The following TRPC3 variants were observed in gnomAD, a reference collection of about 807,000 sequenced individuals.
TRPC3 encodes the protein short transient receptor potential channel 3.
A neutral mutation model predicts 90.9 loss-of-function variants in TRPC3; 54 were observed. That is an observed-to-expected ratio of 0.59 (90% CI 0.48 to 0.75). The LOEUF is 0.75. Ranked by LOEUF, TRPC3 falls within the 30% of genes least tolerant of loss-of-function variation. The probability of loss-of-function intolerance (pLI) is 0.00; values close to 1 mark genes in which losing one functional copy is unlikely to be tolerated. For missense variants in TRPC3, 918 were observed against 1,194.5 expected (o/e 0.77, Z 3.41); for synonymous variants, 424 against 450.9 (o/e 0.94, Z 0.75).
intron 1 of TRPC3, among the ~76,000 whole-genome samples, chr4:121,943,524 C>T (rs1730389936): frequency 6.6e-6 from 1 of 152,054 alleles, no homozygotes; most frequent in Non-Finnish European, 1.5e-5. Flanking sequence ...TTAAACAAAT[C>T]TCAAACTCAT....
intron 3 of TRPC3, 31 bp downstream of exon 3, chr4:121,924,987 T>C (rs200954145): frequency 6.3e-7 from 1 of 1,584,804 alleles, no homozygotes; most frequent in Non-Finnish European, 8.6e-7. Flanking sequence ...TTTATTCTAA[T>C]ATGGCACTAG....
At chr4:121,887,165 T>C (rs1376109043) in intron 10 of TRPC3, among the ~76,000 whole-genome samples, 3 of 152,236 alleles carry the variant, frequency 2.0e-5, no homozygotes, top group Non-Finnish European at 4.4e-5. Context: ...TGGGCCTGCA[T>C]ACCTCACATA....
chr4:121,950,504 G>GT (rs1348486390), intron 1 of TRPC3: 1 of 152,294 alleles, frequency 6.6e-6, no homozygotes, highest in Non-Finnish European at 1.5e-5. Flanking sequence ...GGCACTCCCA[G>GT]TGTTACGTGA....
At chr4:121,948,888 C>T (rs1578664126) in intron 1 of TRPC3, among the ~76,000 whole-genome samples, 3 of 146,568 alleles carry the variant, frequency 2.0e-5, no homozygotes, top group Non-Finnish European at 1.5e-5. Flanking sequence ...TTTTTTAAAA[C>T]GGAACTGATT....
At chr4:121,931,476 G>A (rs949518818) in intron 2 of TRPC3, among the ~76,000 whole-genome samples, 7 of 151,916 alleles carry the variant, frequency 4.6e-5, no homozygotes, top group Non-Finnish European at 1.0e-4. Context: ...AAAATAAAAT[G>A]ATCTGTCATT....
chr4:121,951,163 C>T lies in TRPC3; in HGVS notation c.215+303G>A, dbSNP rs1196550603. 6.6e-6 allele frequency among the ~76,000 whole-genome samples: 1 copy of T among 152,212 alleles called. No homozygotes were observed. Among genetic ancestry groups the T allele is most frequent in the African/African-American group, 2.4e-5 (1 of 41,472 alleles). ...TCGGCTCTAATACAGGGAGTGGCTGCTCGCCAGGATGCTTGTCTGAAGTCA... is the reference window on the plus strand; with the variant it reads ...TCGGCTCTAATACAGGGAGTGGCTGTTCGCCAGGATGCTTGTCTGAAGTCA... On this transcript the variant is annotated intron_variant, in intron 1 of 11. Coordinates refer to ENST00000379645, the MANE Select transcript of TRPC3 (RefSeq NM_001130698.2). This position sits in a 1 kb window ranked among gnomAD's most constrained non-coding sequence, Gnocchi z 4.4.
chr4:121,930,631 G>T (rs1199443185), intron 2 of TRPC3: 5 of 222,818 alleles, frequency 2.2e-5, no homozygotes, highest in African/African-American at 1.2e-4. Flanking sequence ...AGAATCTCTT[G>T]CAGACTTTCA....
chr4:121,933,175 C>T (rs1730014660), intron 1 of TRPC3, 133 bp from the exon 2 acceptor site: 12 of 1,369,320 alleles, frequency 8.8e-6, no homozygotes, highest in Non-Finnish European at 1.0e-5. Context: ...CAGTTGCTAG[C>T]GATACCGTTG....
Position 121,903,042 on chromosome 4 carries a change from C to A in TRPC3, c.2273G>T (p.Trp758Leu). The stretch of plus-strand genomic sequence containing the variant: ...CCAAAGTTTTGAACGAGCAAACTTC[C>A]ATTCTACATCACTGTCATCCTGTGT... ...QEIEDDSDVE[W>L]KFARSKLWLS... The change falls in exon 9 of 12, where the codon TGG (tryptophan) becomes TTG (leucine). Residue 758 changes from tryptophan to leucine, a missense_variant. Physicochemically the swap from Trp to Leu is moderately conservative, Grantham distance 61. Around this residue, in one of 4 missense-constraint regions of TRPC3, gnomAD observed 121 missense variants for 135.7 expected, o/e 0.89. Transcript: ENST00000379645. 1 of 1,612,052 alleles carries A rather than the reference C, an allele frequency of 6.2e-7. No homozygotes were observed. Among genetic ancestry groups the A allele is most frequent in the Non-Finnish European group, 8.5e-7 (1 of 1,179,190 alleles).
At chr4:121,928,913 A>G (rs535674056) in intron 2 of TRPC3, among the ~76,000 whole-genome samples, 2 of 152,354 alleles carry the variant, frequency 1.3e-5, no homozygotes, top group South Asian at 4.1e-4. Flanking sequence ...GAGGCAAGTT[A>G]TCATACTGAT....
chr4:121,935,713 T>G (rs1275801898), intron 1 of TRPC3, among the ~76,000 whole-genome samples: 1 of 152,076 alleles, frequency 6.6e-6, no homozygotes, highest in Non-Finnish European at 1.5e-5. Context: ...AGTATATATG[T>G]CAGAATTTCA....
intron 9 of TRPC3, among the ~76,000 whole-genome samples, chr4:121,901,706 G>A (rs541541720): frequency 3.3e-5 from 5 of 152,244 alleles, no homozygotes; most frequent in South Asian, 2.1e-4. Context: ...TCTACAATTC[G>A]TGGACAATTA....
intron 7 of TRPC3, among the ~76,000 whole-genome samples, chr4:121,906,349 T>A (rs1728881336): frequency 6.6e-6 from 1 of 152,026 alleles, no homozygotes; most frequent in East Asian, 1.9e-4. Context: ...ATAAAATGAG[T>A]TACCATAGAG....
chr4:121,925,018 CT>C lies in TRPC3; in HGVS notation c.1175del (p.Lys392SerfsTer13). On this transcript the variant is annotated frameshift_variant and splice_region_variant, in exon 3 of 12. Transcript: ENST00000379645. LOFTEE classifies it high-confidence loss of function. ...VKLAIKYEVK[K>X]FVAHPNCQQQ... ...ACTAGATGAAAGTAGGCCCACTCAC[CT>C]TTTTGACTTCATACTTAATGGCAAG... is the stretch of plus-strand genomic sequence containing the variant. 2 of 1,610,252 alleles carry C rather than the reference CT, an allele frequency of 1.2e-6. No individual in the cohort carries two copies. The highest frequency in any genetic ancestry group is 1.7e-6 in the Non-Finnish European group (2 of 1,178,198).
In TRPC3 at chr4:121,878,309, T is replaced by C. The variant is rs1417743067; in HGVS notation, c.*1427A>G. 4.6e-5 allele frequency among the ~76,000 whole-genome samples: 7 copies of C among 152,242 alleles called. No homozygotes were observed. Among genetic ancestry groups the C allele is most frequent in the African/African-American group, 7.2e-5 (3 of 41,476 alleles). ...TATGTAGTTCCATTTAACACTTATT[T>C]CTGTCTTCATGTCTAAAGAGCTTTT... On this transcript the variant is annotated 3_prime_UTR_variant, in exon 12 of 12. Coordinates refer to ENST00000379645, the MANE Select transcript of TRPC3 (RefSeq NM_001130698.2).
chr4:121,950,632 T>G (rs1375511943), intron 1 of TRPC3: 1 of 152,222 alleles, frequency 6.6e-6, no homozygotes, highest in Non-Finnish European at 1.5e-5. Context: ...AGTTGCTCTT[T>G]CTCATGCATT....
chr4:121,880,734 A>G (rs1727914486), intron 11 of TRPC3, among the ~76,000 whole-genome samples: 1 of 152,208 alleles, frequency 6.6e-6, no homozygotes, highest in South Asian at 2.1e-4. Context: ...TGTTGGAGCA[A>G]GAATTTACCT....
chr4:121,874,626 C>A lies in TRPC3; in HGVS notation c.*5110G>T, dbSNP rs1268797912. On this transcript the variant is annotated 3_prime_UTR_variant, in exon 12 of 12. Transcript: ENST00000379645. Reference sequence around the variant, plus strand: ...CATCTTCTCCGTGTCTTCACGTGGTCCTCCCTCTATGTCTGTCTGTGTCTC... The same window carrying A: ...CATCTTCTCCGTGTCTTCACGTGGTACTCCCTCTATGTCTGTCTGTGTCTC... Among the ~76,000 whole-genome samples the A allele has an allele frequency of 6.6e-6, 1 of 152,208 alleles. No individual in the cohort carries two copies.
chr4:121,940,843 GATAA>G (rs1410881753), intron 1 of TRPC3, among the ~76,000 whole-genome samples: 3 of 152,078 alleles, frequency 2.0e-5, no homozygotes, highest in Non-Finnish European at 4.4e-5. Context: ...TTCAATTGAG[GATAA>G]ATGTTTTATG....
Sources: allele counts gnomAD v4.1 joint callset (sites outside exome capture counted in the v4.1 genomes callset), GRCh38; gene constraint gnomAD v4.1.1; regional missense constraint gnomAD v4.1.1; non-coding constraint Gnocchi (gnomAD v3.1); transcripts MANE v1.5; gene names NCBI Gene and HGNC (gene_info 2026-07-23, HGNC 2026-07-21).